PCLO: variants seen among roughly 807,000 people sequenced by gnomAD.
PCLO encodes protein piccolo.
Under a neutral mutation model 427.5 loss-of-function variants are expected in PCLO, and 82 were observed. That is an observed-to-expected ratio of 0.19 (90% confidence interval 0.16 to 0.23). The LOEUF is 0.23. Among genes scored for constraint, PCLO ranks in the 10% least tolerant of loss-of-function variants. PCLO has a pLI of 1.00. For missense variants in PCLO, 6,239 were observed against 6,115.9 expected (o/e 1.02, Z -0.67); for synonymous variants, 2,357 against 2,155.4 (o/e 1.09, Z -2.59).
At chr7:83,108,071 T>A (rs1045576925) in intron 3 of PCLO, among the ~76,000 whole-genome samples, 46 of 152,086 alleles carry the variant, frequency 3.0e-4, no homozygotes, top group Admixed American at 3.0e-3. Context: ...TAAATATTCT[T>A]TGGCAATAGT....
At chr7:82,769,733 T>G (rs2107067) in intron 22 of PCLO, among the ~76,000 whole-genome samples, 1 of 152,086 alleles carries the variant, frequency 6.6e-6, no homozygotes, top group Middle Eastern at 3.2e-3. Context: ...AAATTTTCAC[T>G]AATAAATACC....
intron 1 of PCLO, among the ~76,000 whole-genome samples, chr7:83,157,999 T>C (rs1328994842): frequency 2.0e-5 from 3 of 152,096 alleles, no homozygotes; most frequent in South Asian, 2.1e-4. Flanking sequence ...GAAATTTGAG[T>C]ACAGGTCAGG....
chr7:82,916,252 G>C lies in PCLO; in HGVS notation c.11734C>G (p.Gln3912Glu). 2 of 1,613,704 alleles carry C rather than the reference G, an allele frequency of 1.2e-6. No homozygotes were observed. Among genetic ancestry groups the C allele is most frequent in the Non-Finnish European group, 1.7e-6 (2 of 1,179,710 alleles). Residue 3912 changes from glutamine to glutamate, a missense_variant, in exon 7 of 25, where the codon CAA becomes GAA. By Grantham distance (29) the Gln-to-Glu change is conservative (BLOSUM62 2). Transcript: ENST00000333891. ...SYTQQSHFEQ[Q>E]TLYHQQVSPY... ...GAAACTTGCTGATGGTACAAAGTTT[G>C]TTGCTCAAAATGAGACTGTTGAGTG...
intron 6 of PCLO, among the ~76,000 whole-genome samples, chr7:82,935,191 T>C (rs1318477411): frequency 1.8e-5 from 1 of 55,218 alleles, no homozygotes; most frequent in African/African-American, 8.3e-5. Flanking sequence ...CAGCCTGGTA[T>C]ACTAAAAAAA....
chr7:82,810,656 A>T (rs940325747), intron 20 of PCLO, among the ~76,000 whole-genome samples: 2 of 151,544 alleles, frequency 1.3e-5, no homozygotes, highest in African/African-American at 2.4e-5. Context: ...TTCTTTGACC[A>T]TTTCACTTTC....
At chr7:82,959,171 A>G (rs1584222873) in intron 4 of PCLO, among the ~76,000 whole-genome samples, 1 of 152,046 alleles carries the variant, frequency 6.6e-6, no homozygotes. Flanking sequence ...GGTTCAAGCC[A>G]TTCTCCTGCC....
intron 22 of PCLO, among the ~76,000 whole-genome samples, chr7:82,767,895 A>G (rs1257961392): frequency 6.6e-6 from 1 of 152,104 alleles, no homozygotes; most frequent in Non-Finnish European, 1.5e-5. Flanking sequence ...ATCAATGTAT[A>G]AAAGAAATTC....
intron 3 of PCLO, among the ~76,000 whole-genome samples, chr7:83,071,325 T>C (rs1789810566): frequency 6.6e-6 from 1 of 152,358 alleles, no homozygotes; most frequent in Admixed American, 6.5e-5. Flanking sequence ...ATTTCTTAAA[T>C]GTGACAATAG....
intron 9 of PCLO, among the ~76,000 whole-genome samples, chr7:82,893,902 C>T (rs141098494): frequency 3.6e-4 from 55 of 151,702 alleles, no homozygotes; most frequent in Middle Eastern, 3.4e-3. Context: ...TTTATGCACA[C>T]GAAATCAATA....
chr7:82,915,557 A>G lies in PCLO; in HGVS notation c.12429T>C (p.Ala4143=), dbSNP rs762185322. 3.7e-6 allele frequency: 6 copies of G among 1,613,660 alleles called. No individual in the cohort carries two copies. Among genetic ancestry groups the G allele is most frequent in the Non-Finnish European group, 5.1e-6 (6 of 1,179,752 alleles). The part of the protein sequence containing the change: ...RRGTESLDHL[A]GLSHYYHADT... ...CAGCATGGTAATAATGAGAAAGACCAGCAAGGTGATCTAAGCTCTCTGTCC... is the reference window on the plus strand; with the variant it reads ...CAGCATGGTAATAATGAGAAAGACCGGCAAGGTGATCTAAGCTCTCTGTCC... The change falls in exon 7 of 25, where the codon GCT becomes GCC. Residue 4143 remains alanine, a synonymous_variant. Transcript: ENST00000333891.
At chr7:83,021,007 T>C (rs1262798204) in intron 3 of PCLO, among the ~76,000 whole-genome samples, 2 of 152,166 alleles carry the variant, frequency 1.3e-5, no homozygotes, top group African/African-American at 4.8e-5. Context: ...TGAAATATTC[T>C]TTCAGGGCCT....
At chr7:83,036,119 C>A (rs1273041513) in intron 3 of PCLO, among the ~76,000 whole-genome samples, 1 of 152,134 alleles carries the variant, frequency 6.6e-6, no homozygotes, top group East Asian at 1.9e-4. Flanking sequence ...ACTGTTAAAT[C>A]TTACTGCTTC....
chr7:82,958,356 C>G (rs1795579842), intron 4 of PCLO, among the ~76,000 whole-genome samples: 2 of 150,688 alleles, frequency 1.3e-5, no homozygotes, highest in South Asian at 4.2e-4. Flanking sequence ...CTTCTTCCTT[C>G]CTTCCTTTCC....
intron 6 of PCLO, among the ~76,000 whole-genome samples, chr7:82,948,624 T>A (rs967019650): frequency 2.6e-5 from 4 of 152,196 alleles, no homozygotes; most frequent in Non-Finnish European, 5.9e-5. Context: ...GTTATGTATA[T>A]TAGATTTTCT....
rs767279336 is a variant in PCLO, at chr7:82,847,158, C to T, written c.13744G>A (p.Ala4582Thr). 6 of 1,590,104 alleles carry T rather than the reference C, an allele frequency of 3.8e-6. No homozygotes were observed. The highest frequency in any genetic ancestry group is 5.2e-6 in the Non-Finnish European group (6 of 1,160,938). Residue 4582 changes from alanine (A) to threonine (T), a missense_variant, in exon 11 of 25, where the codon GCA becomes ACA. By Grantham distance (58) the Ala-to-Thr change is moderately conservative. Transcript: ENST00000333891. ...ACTCACAGTCTTACACATATTTCTGCTTCCCCACTTTGCTGACTAATGATA... is the reference window on the plus strand; with the variant it reads ...ACTCACAGTCTTACACATATTTCTGTTTCCCCACTTTGCTGACTAATGATA... ...QSIISQQSGEAEICVRLDLNM... is the reference protein window; with the variant it reads ...QSIISQQSGETEICVRLDLNM...
intron 8 of PCLO, among the ~76,000 whole-genome samples, chr7:82,903,194 A>G (rs1400697271): frequency 6.6e-6 from 1 of 151,914 alleles, no homozygotes; most frequent in African/African-American, 2.4e-5. Flanking sequence ...CTACTTTGAC[A>G]TCTCTGTCAT....
At chr7:83,070,506 GC>G (rs1403983074) in intron 3 of PCLO, among the ~76,000 whole-genome samples, 1 of 151,450 alleles carries the variant, frequency 6.6e-6, no homozygotes, top group Non-Finnish European at 1.5e-5. Flanking sequence ...TCCTGCCTCA[GC>G]CTCCCGAGTA....
Position 83,155,114 on chromosome 7 carries a change from G to C in PCLO, c.1527C>G (p.Pro509=). 1 of 1,540,786 alleles carries C rather than the reference G, an allele frequency of 6.5e-7. No homozygotes were observed. Among genetic ancestry groups the C allele is most frequent in the Non-Finnish European group, 8.8e-7 (1 of 1,133,666 alleles). The part of the protein sequence containing the change: ...PPSQQPGSTK[P]PPQQPGPAKP... ...TTGCTGGGCCAGGCTGTTGAGGTGG[G>C]GGTTTTGTTGAGCCAGGCTGTTGAG... Residue 509 remains proline, a synonymous_variant, in exon 2 of 25, where the codon CCC becomes CCG. Transcript: ENST00000333891.
rs372414741 is a variant in PCLO at position 82,815,296 on chromosome 7, G to C, written c.14791+7199C>G. ...ATAATGCAGATTCTTCCATAAAGAG[G>C]TTTTGTGTTCATAAAGTATCTTTTG... On this transcript the variant is annotated intron_variant, in intron 20 of 24. Coordinates refer to ENST00000333891, the MANE Select transcript of PCLO (RefSeq NM_033026.6). Among the ~76,000 whole-genome samples, 185 of 152,050 alleles carry C rather than the reference G, an allele frequency of 1.2e-3. 1 individual carries two copies. Among genetic ancestry groups the C allele is most frequent in the South Asian group, 8.9e-3 (43 of 4,824 alleles).
Sources: allele counts gnomAD v4.1 joint callset (sites outside exome capture counted in the v4.1 genomes callset), GRCh38; gene constraint gnomAD v4.1.1; transcripts MANE v1.5; gene names NCBI Gene and HGNC (gene_info 2026-07-23, HGNC 2026-07-21).